The following CELF2 variants were observed in gnomAD, a reference collection of about 807,000 sequenced individuals.
CELF2 encodes CUG triplet repeat RNA-binding protein 2.
In CELF2, 8 loss-of-function variants were observed where a neutral mutation model predicts 62.6. The ratio of observed to expected loss-of-function variants is 0.13; its 90% CI spans 0.07 to 0.23. CELF2 has a LOEUF of 0.23. CELF2 is among the 10% of genes least tolerant of loss of function. The probability of loss-of-function intolerance (pLI) is 1.00; values close to 1 mark genes in which losing one functional copy is unlikely to be tolerated. For synonymous variants in CELF2, 258 were observed against 250.0 expected (o/e 1.03, Z -0.30); for missense variants, 333 against 671.0 (o/e 0.50, Z 5.56).
In CELF2 at chr10:10,983,613, G is replaced by T. The variant is rs1402893845; in HGVS notation, c.89+63614G>T. 6.6e-6 allele frequency among the ~76,000 whole-genome samples: 1 copy of T among 152,102 alleles called. No homozygotes were observed. The highest frequency in any genetic ancestry group is 1.5e-5 in the Non-Finnish European group (1 of 68,026). ...GACAGAGTCTCACTCTGCTGCCCAGGCTGGAGTGCAGTGGCACAATCTTGG... is the reference window on the plus strand; with the variant it reads ...GACAGAGTCTCACTCTGCTGCCCAGTCTGGAGTGCAGTGGCACAATCTTGG... On this transcript the variant is annotated intron_variant, in intron 2 of 13. Coordinates refer to the CELF2 transcript ENST00000636488. The surrounding 1 kb of genome is among the most constrained non-coding windows in gnomAD (Gnocchi z 5.2).
At chr10:10,676,798 C>T in the CELF2 span, among the ~76,000 whole-genome samples, 8 of 152,272 alleles carry the variant, frequency 5.3e-5, no homozygotes, top group African/African-American at 1.9e-4. Context: ...AGCTGTTGTC[C>T]TGCATTGTTT....
chr10:11,257,468 A>G (rs984517578), intron 4 of CELF2: 12 of 325,256 alleles, frequency 3.7e-5, no homozygotes, highest in African/African-American at 2.0e-5. Flanking sequence ...GAATAGGAGA[A>G]AAGAACTTAA....
intron 1 of CELF2, among the ~76,000 whole-genome samples, chr10:11,029,524 G>A (rs567069788): frequency 6.6e-6 from 1 of 152,338 alleles, no homozygotes; most frequent in African/African-American, 2.4e-5. Flanking sequence ...GTGTGATATT[G>A]ACTGTGGAGA....
chr10:10,910,426 A>G (rs950554283), intron 1 of CELF2, among the ~76,000 whole-genome samples: 1 of 152,112 alleles, frequency 6.6e-6, no homozygotes, highest in Non-Finnish European at 1.5e-5. Flanking sequence ...CCAGTGCAGT[A>G]GTTCATGCCT....
chr10:10,676,622 C>G, the CELF2 span, among the ~76,000 whole-genome samples: 1 of 152,214 alleles, frequency 6.6e-6, no homozygotes, highest in African/African-American at 2.4e-5. Flanking sequence ...ACCAAGCCTC[C>G]AGTGAGTTGC....
rs1376094169 is a variant in CELF2 at position 10,938,823 on chromosome 10, G to GC, written c.89+18828dup. On this transcript the variant is annotated intron_variant, in intron 2 of 13. Coordinates refer to the CELF2 transcript ENST00000636488. This position sits in a 1 kb window ranked among gnomAD's most constrained non-coding sequence, Gnocchi z 4.2. Reference sequence around the variant, plus strand: ...CCCGCTGGGGACCCCGTGAAGCACTGCCCCACCGAGGGACGCAGAAGCAGC... The same window carrying GC: ...CCCGCTGGGGACCCCGTGAAGCACTGCCCCCACCGAGGGACGCAGAAGCAGC... Among the ~76,000 whole-genome samples, 4 of 152,192 alleles carry GC rather than the reference G, an allele frequency of 2.6e-5. No homozygotes were observed. The highest frequency in any genetic ancestry group is 2.0e-4 in the Admixed American group (3 of 15,278).
At chr10:11,193,293 A>G (rs912487544) in intron 2 of CELF2, among the ~76,000 whole-genome samples, 1 of 152,230 alleles carries the variant, frequency 6.6e-6, no homozygotes, top group African/African-American at 2.4e-5. Context: ...AAGAGGAGAA[A>G]GAGTGAAATT....
At chr10:10,712,938 C>T in the CELF2 span, among the ~76,000 whole-genome samples, 1 of 152,200 alleles carries the variant, frequency 6.6e-6, no homozygotes, top group African/African-American at 2.4e-5. Flanking sequence ...AAATCCTCTG[C>T]TCCCATGATA....
intron 1 of CELF2, among the ~76,000 whole-genome samples, chr10:10,828,242 A>T (rs1590879241): frequency 6.6e-6 from 1 of 152,190 alleles, no homozygotes. Context: ...TGACAGCATT[A>T]TTCATTCAGA....
upstream of CELF2, among the ~76,000 whole-genome samples, chr10:10,793,981 T>A (rs1048006650): frequency 2.0e-5 from 3 of 152,202 alleles, no homozygotes; most frequent in African/African-American, 7.2e-5. Context: ...TTTTTTTGTT[T>A]TTTTTGGTAT....
the CELF2 span, among the ~76,000 whole-genome samples, chr10:10,775,762 G>A: frequency 6.6e-6 from 1 of 152,128 alleles, no homozygotes; most frequent in African/African-American, 2.4e-5. Context: ...AGTGATTTAT[G>A]GTAATAAAAA....
chr10:11,152,384 A>G (rs1017481396), intron 1 of CELF2, among the ~76,000 whole-genome samples: 2 of 152,182 alleles, frequency 1.3e-5, no homozygotes, highest in African/African-American at 4.8e-5. Context: ...GCATGACACC[A>G]AGTAGGTTCT....
chr10:11,027,474 CG>C (rs1161867534), intron 1 of CELF2, among the ~76,000 whole-genome samples: 2 of 149,236 alleles, frequency 1.3e-5, no homozygotes, highest in Non-Finnish European at 3.0e-5. Flanking sequence ...AGAGGCAAGT[CG>C]TTTTTTTTAT....
intron 1 of CELF2, among the ~76,000 whole-genome samples, chr10:11,041,340 C>T (rs923008582): frequency 1.3e-5 from 2 of 151,828 alleles, no homozygotes; most frequent in Admixed American, 6.6e-5. Flanking sequence ...AGTAAGATCC[C>T]GAGAGAGAGA....
chr10:10,664,218 C>T, the CELF2 span, among the ~76,000 whole-genome samples: 11 of 152,214 alleles, frequency 7.2e-5, no homozygotes, highest in Non-Finnish European at 1.5e-4. Flanking sequence ...ATGGTTATAA[C>T]AATATTTATC....
At chr10:10,825,345 C>G (rs1238028449) in intron 1 of CELF2, among the ~76,000 whole-genome samples, 1 of 152,000 alleles carries the variant, frequency 6.6e-6, no homozygotes, top group Non-Finnish European at 1.5e-5. Flanking sequence ...AAGTAGCTGG[C>G]ACTACAGGCG....
At chr10:11,129,566 G>A (rs1305409242) in intron 1 of CELF2, among the ~76,000 whole-genome samples, 2 of 152,176 alleles carry the variant, frequency 1.3e-5, no homozygotes, top group Admixed American at 6.5e-5. Context: ...CCTGTTAATG[G>A]TCTGTTCAGA....
At chr10:10,759,290 A>ATTTTTCTTTTTTT in the CELF2 span, among the ~76,000 whole-genome samples, 2 of 108,398 alleles carry the variant, frequency 1.8e-5, no homozygotes, top group African/African-American at 3.3e-5. Flanking sequence ...CTCAGTGCCC[A>ATTTTTCTTTTTTT]TTTTTCTTTT....
the CELF2 span, chr10:10,784,570 C>T: frequency 1.3e-5 from 2 of 152,362 alleles, no homozygotes; most frequent in African/African-American, 2.4e-5. Flanking sequence ...AATCTCCTCT[C>T]TGACCATCCC....
Sources: gnomAD v4.1 joint callset for allele counts (sites outside exome capture counted in the v4.1 genomes callset) on GRCh38, gnomAD v4.1.1 for gene constraint, Gnocchi (gnomAD v3.1) non-coding constraint, MANE v1.5 for transcripts, NCBI Gene and HGNC (gene_info 2026-07-23, HGNC 2026-07-21) for gene names.